Variants in CMSS1 observed in about 807,000 individuals in gnomAD.
The protein encoded by CMSS1 is cms1 ribosomal small subunit homolog, also known as protein CMSS1.
CMSS1 carries 33 observed loss-of-function variants against 43.5 expected under a neutral mutation model. That is an observed-to-expected ratio of 0.76 (90% CI 0.57 to 1.01). The LOEUF is 1.01. Among genes scored for constraint, CMSS1 ranks in the 50% least tolerant of loss-of-function variants. The pLI, the probability that CMSS1 is intolerant of heterozygous loss-of-function variation, is 0.00. For missense variants in CMSS1, 313 were observed against 326.4 expected (o/e 0.96, Z 0.32); for synonymous variants, 115 against 117.2 (o/e 0.98, Z 0.12).
At chr3:100,085,996 A>G (rs1559752550) in intron 1 of CMSS1, among the ~76,000 whole-genome samples, 1 of 152,222 alleles carries the variant, frequency 6.6e-6, no homozygotes, top group South Asian at 2.1e-4. Context: ...AGTTAATCAA[A>G]TGGCTGCTGT....
At chr3:100,072,709 C>G (rs1401985651) in intron 1 of CMSS1, among the ~76,000 whole-genome samples, 1 of 152,172 alleles carries the variant, frequency 6.6e-6, no homozygotes, top group Non-Finnish European at 1.5e-5. Context: ...AGATTATCTA[C>G]TGGACAGAGG....
intron 1 of CMSS1, among the ~76,000 whole-genome samples, chr3:99,880,350 G>A (rs534197448): frequency 6.6e-6 from 1 of 152,218 alleles, no homozygotes; most frequent in Non-Finnish European, 1.5e-5. Flanking sequence ...CCTTTAACCA[G>A]CAGACCTTAA....
intron 1 of CMSS1, among the ~76,000 whole-genome samples, chr3:100,116,577 C>T (rs975553676): frequency 6.6e-6 from 1 of 152,170 alleles, no homozygotes; most frequent in African/African-American, 2.4e-5. Context: ...TGCGTGAGCT[C>T]ATTGCTTCCA....
chr3:99,897,973 T>C (rs1706313092), intron 1 of CMSS1, among the ~76,000 whole-genome samples: 2 of 152,210 alleles, frequency 1.3e-5, no homozygotes, highest in African/African-American at 4.8e-5. Flanking sequence ...AGAAAAGATA[T>C]CCTACCTCCA....
chr3:100,167,433 T>A (rs1020424583), intron 5 of CMSS1, among the ~76,000 whole-genome samples: 1 of 152,242 alleles, frequency 6.6e-6, no homozygotes, highest in African/African-American at 2.4e-5. Flanking sequence ...TAATCAACAT[T>A]GTCTTCAAGT....
At chr3:99,997,543 A>G (rs942256665) in intron 1 of CMSS1, among the ~76,000 whole-genome samples, 1 of 152,102 alleles carries the variant, frequency 6.6e-6, no homozygotes, top group Non-Finnish European at 1.5e-5. Context: ...AGCTTTTTCA[A>G]TTTTGCCAGA....
chr3:99,883,208 C>A (rs1171610680), intron 1 of CMSS1, among the ~76,000 whole-genome samples: 2 of 152,168 alleles, frequency 1.3e-5, no homozygotes, highest in African/African-American at 4.8e-5. Context: ...CCGAACAGCT[C>A]CAGAGATTTT....
At chr3:100,061,971 C>G (rs2065574445) in intron 1 of CMSS1, among the ~76,000 whole-genome samples, 1 of 152,038 alleles carries the variant, frequency 6.6e-6, no homozygotes, top group Non-Finnish European at 1.5e-5. Flanking sequence ...GCAACCAAGA[C>G]TACTACCCAT....
chr3:100,116,126 G>GT (rs1208236792), intron 1 of CMSS1, among the ~76,000 whole-genome samples: 2 of 152,138 alleles, frequency 1.3e-5, no homozygotes, highest in Admixed American at 6.5e-5. Flanking sequence ...AGTTAGTCTT[G>GT]TAACCAAACC....
rs572118250 is a variant in CMSS1 at position 100,167,989 on chromosome 3, T to G, written c.518+149T>G. The stretch of plus-strand genomic sequence containing the variant: ...TTTATATTTCAGTGGGGGAGACAGA[T>G]AATAAACAAATGAAGATACATTATA... On this transcript the variant is annotated intron_variant, in intron 6 of 9. Transcript: ENST00000421999. The G allele has an allele frequency of 1.7e-5, 9 of 533,854 alleles. No homozygotes were observed. The South Asian group carries it at 2.8e-4, about 17-fold the overall frequency. 33.1% of individuals were successfully genotyped at this position (533,854 alleles called of 1,614,324 possible).
At chr3:99,946,853 G>A (rs1313934381) in intron 1 of CMSS1, among the ~76,000 whole-genome samples, 7 of 152,194 alleles carry the variant, frequency 4.6e-5, no homozygotes, top group African/African-American at 1.7e-4. Flanking sequence ...TTGCCAATAG[G>A]CACTGTCTCC....
chr3:99,898,318 G>A (rs1226211765), intron 1 of CMSS1: 1 of 152,130 alleles, frequency 6.6e-6, no homozygotes, highest in Admixed American at 6.5e-5. Context: ...ATTACACAAT[G>A]ACCAGGGCCT....
At chr3:99,869,076 T>A (rs1944657933) in intron 1 of CMSS1, among the ~76,000 whole-genome samples, 2 of 152,184 alleles carry the variant, frequency 1.3e-5, no homozygotes. Flanking sequence ...GGCTGAGTGG[T>A]ACCTAAAGTT....
chr3:100,091,284 C>CAA (rs570908389), intron 1 of CMSS1, among the ~76,000 whole-genome samples: 10 of 58,974 alleles, frequency 1.7e-4, no homozygotes, highest in South Asian at 5.8e-4. Context: ...GACTCCGTCT[C>CAA]AAAAAAAAAA....
In CMSS1 at chr3:100,097,039, AAGC is replaced by A. The variant is rs2066221897; in HGVS notation, c.65-49931_65-49929del. On this transcript the variant is annotated intron_variant, in intron 1 of 9. Transcript: ENST00000421999. The stretch of plus-strand genomic sequence containing the variant: ...GTGGCCTGTTAGGAACCAGGCCACA[AAGC>A]AGGAGGTGAGCAGCAGGCAAGCCAG... Among the ~76,000 whole-genome samples, 10 of 152,324 alleles carry A rather than the reference AAGC, an allele frequency of 6.6e-5. No individual in the cohort carries two copies. The South Asian group carries it at 2.1e-3, about 32-fold the overall frequency.
chr3:100,121,801 A>G (rs2066623966), intron 1 of CMSS1, among the ~76,000 whole-genome samples: 1 of 152,134 alleles, frequency 6.6e-6, no homozygotes, highest in Non-Finnish European at 1.5e-5. Flanking sequence ...TCACCTCAAT[A>G]CATGTTTGTT....
chr3:100,143,554 T>C (rs1365775146), intron 1 of CMSS1, among the ~76,000 whole-genome samples: 1 of 152,058 alleles, frequency 6.6e-6, no homozygotes, highest in Non-Finnish European at 1.5e-5. Context: ...CAAATGTTGA[T>C]TATATCCTAT....
chr3:100,152,564 G>A (rs779958071), intron 2 of CMSS1, among the ~76,000 whole-genome samples: 4 of 152,140 alleles, frequency 2.6e-5, no homozygotes, highest in Non-Finnish European at 2.9e-5. Context: ...TGACTGAATC[G>A]TATTCTGAGG....
intron 1 of CMSS1, among the ~76,000 whole-genome samples, chr3:99,881,606 C>T (rs1307617001): frequency 2.0e-5 from 3 of 151,760 alleles, no homozygotes; most frequent in African/African-American, 7.3e-5. Flanking sequence ...AAGCTCGGCT[C>T]ACTGCAACCT....
Sources: allele counts gnomAD v4.1 joint callset (sites outside exome capture counted in the v4.1 genomes callset), GRCh38; gene constraint gnomAD v4.1.1; transcripts MANE v1.5; gene names NCBI Gene and HGNC (gene_info 2026-07-23, HGNC 2026-07-21).